Variants in MYO3B observed in about 807,000 individuals in gnomAD.
The protein encoded by MYO3B is myosin IIIB.
Under a neutral mutation model 174.6 loss-of-function variants are expected in MYO3B, and 156 were observed. That is an observed-to-expected ratio of 0.89 (90% CI 0.78 to 1.02). MYO3B has a LOEUF of 1.02. Among genes scored for constraint, MYO3B ranks in the 50% least tolerant of loss-of-function variants. The pLI is 0.00. For synonymous variants in MYO3B, 563 were observed against 569.1 expected, an observed-to-expected ratio of 0.99 and a Z score of 0.15; for missense variants, 1,632 against 1,639.4, an observed-to-expected ratio of 1.00 and a Z score of 0.08.
intron 32 of MYO3B, among the ~76,000 whole-genome samples, chr2:170,552,399 C>G (rs1424710611): frequency 6.6e-6 from 1 of 152,188 alleles, no homozygotes; most frequent in African/African-American, 2.4e-5. Context: ...AAAGGTCACT[C>G]TTGCTATGCT....
intron 9 of MYO3B, among the ~76,000 whole-genome samples, chr2:170,377,391 A>T (rs1201553891): frequency 1.3e-5 from 2 of 152,168 alleles, no homozygotes; most frequent in African/African-American, 4.8e-5. Flanking sequence ...ATCTATGCCC[A>T]CTGTTGTCTT....
chr2:170,341,880 A>G (rs1405294829), intron 8 of MYO3B, among the ~76,000 whole-genome samples: 1 of 152,192 alleles, frequency 6.6e-6, no homozygotes, highest in Non-Finnish European at 1.5e-5. Flanking sequence ...ATTTGATCTC[A>G]CTTATACCCT....
At chr2:170,495,302 T>G (rs111515005) in intron 25 of MYO3B, among the ~76,000 whole-genome samples, 109 of 152,338 alleles carry the variant, frequency 7.2e-4, no homozygotes, top group African/African-American at 2.5e-3. Context: ...TTTATCACCA[T>G]GGTGCCTGCT....
At chr2:170,527,566 T>G (rs1260291662) in intron 30 of MYO3B, among the ~76,000 whole-genome samples, 1 of 152,228 alleles carries the variant, frequency 6.6e-6, no homozygotes, top group African/African-American at 2.4e-5. Context: ...GCCTAATTCA[T>G]GGCTTGGCCT....
chr2:170,398,487 T>C (rs1452939502), intron 16 of MYO3B, among the ~76,000 whole-genome samples: 1 of 152,012 alleles, frequency 6.6e-6, no homozygotes, highest in African/African-American at 2.4e-5. Context: ...CCCTCTCTGC[T>C]CCCCAGAGAT....
intron 32 of MYO3B, among the ~76,000 whole-genome samples, chr2:170,617,318 T>C (rs967746148): frequency 1.3e-5 from 2 of 152,242 alleles, no homozygotes; most frequent in East Asian, 3.8e-4. Flanking sequence ...CCAAATATCT[T>C]GTCTGGCTCT....
chr2:170,319,471 C>T (rs550990648), intron 7 of MYO3B, among the ~76,000 whole-genome samples: 11 of 151,940 alleles, frequency 7.2e-5, no homozygotes, highest in Non-Finnish European at 1.5e-4. Context: ...AGAAATTAAC[C>T]AACCTGAAGA....
chr2:170,215,885 A>C (rs1462397764), intron 5 of MYO3B, among the ~76,000 whole-genome samples: 4 of 152,184 alleles, frequency 2.6e-5, no homozygotes, highest in Non-Finnish European at 5.9e-5. Context: ...TGGGGTGGGA[A>C]TTGATACTGA....
chr2:170,372,012 C>T (rs1304322873), intron 9 of MYO3B, among the ~76,000 whole-genome samples: 5 of 147,358 alleles, frequency 3.4e-5, no homozygotes, highest in East Asian at 2.0e-4. Flanking sequence ...CTGTAGTCCC[C>T]GGAGGCTGAC....
chr2:170,324,659 C>T (rs890842860), intron 7 of MYO3B, among the ~76,000 whole-genome samples: 5 of 152,346 alleles, frequency 3.3e-5, no homozygotes, highest in Admixed American at 3.3e-4. Flanking sequence ...CTTTTCAGCG[C>T]TGAATCTACC....
At chr2:170,215,505 C>T (rs2092818172) in intron 5 of MYO3B, among the ~76,000 whole-genome samples, 1 of 151,930 alleles carries the variant, frequency 6.6e-6, no homozygotes, top group South Asian at 2.1e-4. Context: ...AGCAATAGTA[C>T]TTCAGAGTCA....
chr2:170,515,523 C>T (rs1688251765), intron 29 of MYO3B, among the ~76,000 whole-genome samples: 2 of 152,042 alleles, frequency 1.3e-5, no homozygotes, highest in South Asian at 4.2e-4. Context: ...CTCAGTCCTC[C>T]ACCAGTTAAT....
chr2:170,261,407 C>T lies in MYO3B; in HGVS notation c.749+25271C>T, dbSNP rs1407626790. Among the ~76,000 whole-genome samples the T allele has an allele frequency of 2.6e-5, 4 of 152,220 alleles. No homozygotes were observed. In the South Asian group the frequency reaches 8.3e-4, roughly 32 times the overall value. The stretch of plus-strand genomic sequence containing the variant: ...AAAAACAAAACAAAACAAAACAAAA[C>T]CTGGACATGGTGGCGAGCACCTGTT... On this transcript the variant is annotated intron_variant, in intron 7 of 34. Coordinates refer to ENST00000408978, the MANE Select transcript of MYO3B (RefSeq NM_138995.5).
intron 7 of MYO3B, among the ~76,000 whole-genome samples, chr2:170,239,245 C>T (rs1287155050): frequency 6.6e-6 from 1 of 152,132 alleles, no homozygotes; most frequent in Non-Finnish European, 1.5e-5. Context: ...TTGAAGATGA[C>T]CTGGATATAT....
At chr2:170,361,129 G>A (rs543995915) in intron 8 of MYO3B, among the ~76,000 whole-genome samples, 10 of 152,186 alleles carry the variant, frequency 6.6e-5, no homozygotes, top group Admixed American at 3.3e-4. Context: ...TCAATTGTTC[G>A]CTATATACCA....
At chr2:170,626,203 GTC>G (rs1187455984) in intron 32 of MYO3B, among the ~76,000 whole-genome samples, 2 of 145,094 alleles carry the variant, frequency 1.4e-5, no homozygotes, top group African/African-American at 2.9e-5. Context: ...CTCTTTGTAG[GTC>G]TCTAAGGACT....
At chr2:170,185,605 C>T (rs2092452291) in intron 1 of MYO3B, among the ~76,000 whole-genome samples, 1 of 152,040 alleles carries the variant, frequency 6.6e-6, no homozygotes, top group African/African-American at 2.4e-5. Flanking sequence ...TTGCTTTGCT[C>T]AGGATAGCTT....
chr2:170,256,572 C>G (rs1303727750), intron 7 of MYO3B, among the ~76,000 whole-genome samples: 1 of 151,952 alleles, frequency 6.6e-6, no homozygotes, highest in Non-Finnish European at 1.5e-5. Flanking sequence ...AATTTTTTTC[C>G]AGGTAGGTAA....
chr2:170,437,076 G>C (rs1289355297), intron 22 of MYO3B, among the ~76,000 whole-genome samples: 1 of 152,106 alleles, frequency 6.6e-6, no homozygotes, highest in East Asian at 1.9e-4. Context: ...AGGTGGTACT[G>C]TTTTCTTATT....
Sources: allele counts gnomAD v4.1 joint callset (sites outside exome capture counted in the v4.1 genomes callset), GRCh38; gene constraint gnomAD v4.1.1; transcripts MANE v1.5; gene names NCBI Gene and HGNC (gene_info 2026-07-23, HGNC 2026-07-21).